The following JAZF1 variants were observed in gnomAD, a reference collection of about 807,000 sequenced individuals.
The protein encoded by JAZF1 is JAZF zinc finger 1.
In JAZF1, 8 loss-of-function variants were observed where a neutral mutation model predicts 26.4. That is an observed-to-expected ratio of 0.30 (90% CI 0.18 to 0.55). JAZF1 has a LOEUF of 0.55. Among genes scored for constraint, JAZF1 ranks in the 20% least tolerant of loss-of-function variants. JAZF1 has a pLI of 0.94. For synonymous variants in JAZF1, 126 were observed against 122.3 expected (o/e 1.03, Z -0.20); for missense variants, 199 against 322.0 (o/e 0.62, Z 2.92).
intron 1 of JAZF1, among the ~76,000 whole-genome samples, chr7:28,040,561 T>C (rs1783372345): frequency 6.6e-6 from 1 of 151,672 alleles, no homozygotes; most frequent in South Asian, 2.1e-4. Flanking sequence ...GGTGCCACAG[T>C]GGGGAGGTGG....
intron 1 of JAZF1, among the ~76,000 whole-genome samples, chr7:28,138,453 T>C (rs1782917482): frequency 6.6e-6 from 1 of 152,222 alleles, no homozygotes; most frequent in African/African-American, 2.4e-5. Flanking sequence ...CAACAGTAAT[T>C]ATTAAGTTGC....
intron 1 of JAZF1, among the ~76,000 whole-genome samples, chr7:28,021,242 G>A (rs1025204765): frequency 6.6e-6 from 1 of 152,172 alleles, no homozygotes; most frequent in Non-Finnish European, 1.5e-5. Flanking sequence ...TTTAGGATGA[G>A]CAGTGTGGGG....
intron 1 of JAZF1, among the ~76,000 whole-genome samples, chr7:28,163,629 T>C (rs1783324236): frequency 6.6e-6 from 1 of 152,206 alleles, no homozygotes; most frequent in South Asian, 2.1e-4. Context: ...TCCCCTATTC[T>C]TTGTGGCCAA....
chr7:28,009,111 A>C (rs934547574), intron 1 of JAZF1, among the ~76,000 whole-genome samples: 1 of 152,000 alleles, frequency 6.6e-6, no homozygotes, highest in Non-Finnish European at 1.5e-5. Context: ...GAAGGCAGAG[A>C]CTCTGATGGA....
intron 1 of JAZF1, among the ~76,000 whole-genome samples, chr7:28,096,694 T>C (rs1277968726): frequency 7.0e-6 from 1 of 143,802 alleles, no homozygotes; most frequent in African/African-American, 2.6e-5. Flanking sequence ...TCATTTGCAA[T>C]TTTTTTTTTA....
chr7:28,170,429 G>A (rs150537112), intron 1 of JAZF1, among the ~76,000 whole-genome samples: 226 of 149,984 alleles, frequency 1.5e-3, no homozygotes, highest in Admixed American at 4.1e-3. Context: ...AGAGGGTTAG[G>A]TATTGTGTTT....
chr7:27,915,343 G>A (rs1445980695), intron 2 of JAZF1, among the ~76,000 whole-genome samples: 2 of 152,180 alleles, frequency 1.3e-5, no homozygotes, highest in African/African-American at 4.8e-5. Flanking sequence ...TGGTTAACGA[G>A]TGCCTTCTTT....
At chr7:28,146,742 G>A (rs1474510813) in intron 1 of JAZF1, among the ~76,000 whole-genome samples, 4 of 151,856 alleles carry the variant, frequency 2.6e-5, no homozygotes, top group African/African-American at 9.7e-5. Context: ...TAGTCATACT[G>A]TTGCTGTTCT....
intron 3 of JAZF1, among the ~76,000 whole-genome samples, chr7:27,881,271 G>A (rs1392325752): frequency 6.6e-6 from 1 of 152,122 alleles, no homozygotes; most frequent in East Asian, 1.9e-4. Flanking sequence ...ACCAACTCCA[G>A]TCAAGATCCC....
intron 1 of JAZF1, among the ~76,000 whole-genome samples, chr7:28,021,233 T>C (rs73683935): frequency 0.013 from 2,021 of 152,206 alleles, 45 homozygotes; most frequent in African/African-American, 0.044. Context: ...ATTTTTTCTT[T>C]TAGGATGAGC....
Position 27,840,799 on chromosome 7 carries a change from T to A in JAZF1, c.454A>T (p.Ser152Cys). The A allele has an allele frequency of 1.2e-6, 2 of 1,614,176 alleles. No homozygotes were observed. Among genetic ancestry groups the A allele is most frequent in the Non-Finnish European group, 1.7e-6 (2 of 1,180,012 alleles). ...AGGATGGCTTCGGAGCTGATGGCAC[T>A]CTCTGTGGTCCAGGACTCATCGCTG... ...SDSDESWTTE[S>C]AISSEAILSS... The change falls in exon 4 of 5, where the codon AGT becomes TGT. Residue 152 changes from serine (S) to cysteine (C), a missense_variant. Physicochemically the swap from Ser to Cys is moderately radical, Grantham distance 112. Around this residue, in one of 2 missense-constraint regions of JAZF1, gnomAD observed 62 missense variants for 137.2 expected, o/e 0.45. Coordinates refer to ENST00000283928, the MANE Select transcript of JAZF1 (RefSeq NM_175061.4). The surrounding 1 kb of genome is among the most constrained non-coding windows in gnomAD (Gnocchi z 5.1).
intron 2 of JAZF1, among the ~76,000 whole-genome samples, chr7:27,985,913 C>T (rs1785690123): frequency 6.6e-6 from 1 of 152,142 alleles, no homozygotes; most frequent in Non-Finnish European, 1.5e-5. Context: ...GCCCTTTATG[C>T]TAAAAACTCT....
chr7:27,888,077 T>A (rs894034215), intron 3 of JAZF1, among the ~76,000 whole-genome samples: 3 of 152,172 alleles, frequency 2.0e-5, no homozygotes, highest in African/African-American at 7.2e-5. Context: ...TATAGCAACA[T>A]CTTCTCATTC....
chr7:28,015,902 C>T (rs1782882557), intron 1 of JAZF1, among the ~76,000 whole-genome samples: 1 of 152,192 alleles, frequency 6.6e-6, no homozygotes, highest in East Asian at 1.9e-4. Flanking sequence ...CCCTGCTCCC[C>T]AGGCTCCAGG....
At chr7:28,001,132 T>C (rs1786149870) in intron 1 of JAZF1, among the ~76,000 whole-genome samples, 1 of 151,592 alleles carries the variant, frequency 6.6e-6, no homozygotes, top group Non-Finnish European at 1.5e-5. Context: ...GGCAGGCAAA[T>C]CACTTGAAGT....
chr7:28,016,641 T>C (rs1367585845), intron 1 of JAZF1, among the ~76,000 whole-genome samples: 1 of 152,166 alleles, frequency 6.6e-6, no homozygotes, highest in East Asian at 1.9e-4. Context: ...ATCACCCTCA[T>C]GTACCTGCTG....
chr7:28,048,498 G>A (rs1193150509), intron 1 of JAZF1, among the ~76,000 whole-genome samples: 2 of 152,014 alleles, frequency 1.3e-5, no homozygotes, highest in African/African-American at 2.4e-5. Flanking sequence ...TTTTAGGCCA[G>A]GAATGCTGGC....
At chr7:28,057,435 C>T (rs776029136) in intron 1 of JAZF1, among the ~76,000 whole-genome samples, 1 of 152,160 alleles carries the variant, frequency 6.6e-6, no homozygotes, top group Non-Finnish European at 1.5e-5. Flanking sequence ...GTGCCGAGTA[C>T]TCTGTAAGTA....
intron 3 of JAZF1, among the ~76,000 whole-genome samples, chr7:27,888,864 T>C (rs978642833): frequency 1.3e-5 from 2 of 152,130 alleles, no homozygotes; most frequent in Non-Finnish European, 2.9e-5. Flanking sequence ...AAAATATATA[T>C]ACAAATATTT....
Sources: gnomAD v4.1 joint callset for allele counts (sites outside exome capture counted in the v4.1 genomes callset) on GRCh38, gnomAD v4.1.1 for gene constraint, gnomAD v4.1.1 regional missense constraint, Gnocchi (gnomAD v3.1) non-coding constraint, MANE v1.5 for transcripts, NCBI Gene and HGNC (gene_info 2026-07-23, HGNC 2026-07-21) for gene names.